The following SARNP variants were observed in gnomAD, a reference collection of about 807,000 sequenced individuals.
The protein encoded by SARNP is SAP domain containing ribonucleoprotein.
In SARNP, 5 loss-of-function variants were observed where a neutral mutation model predicts 38.1. The ratio of observed to expected loss-of-function variants is 0.13; its 90% CI spans 0.07 to 0.28. SARNP has a LOEUF of 0.28. Among genes scored for constraint, SARNP ranks in the 10% least tolerant of loss-of-function variants. The pLI, the probability that SARNP is intolerant of heterozygous loss-of-function variation, is 1.00. For synonymous variants in SARNP, 84 were observed against 80.6 expected, an observed-to-expected ratio of 1.04 and a Z score of -0.23; for missense variants, 180 against 243.9, an observed-to-expected ratio of 0.74 and a Z score of 1.75.
chr12:55,797,323 G>A (rs1039166406), intron 4 of SARNP, among the ~76,000 whole-genome samples: 1 of 152,188 alleles, frequency 6.6e-6, no homozygotes, highest in Non-Finnish European at 1.5e-5. Context: ...CGCTTTAGCT[G>A]GTTGGGGGTT....
At chr12:55,794,169 TTCAG>T in intron 7 of SARNP, 186 bp downstream of exon 7, 1 of 591,104 alleles carries the variant, frequency 1.7e-6, no homozygotes, top group Non-Finnish European at 3.0e-6. Flanking sequence ...TCTCATAACA[TTCAG>T]TATCTCTCTT....
chr12:55,792,203 T>G (rs1879691689), intron 7 of SARNP, among the ~76,000 whole-genome samples: 1 of 152,162 alleles, frequency 6.6e-6, no homozygotes, highest in African/African-American at 2.4e-5. Flanking sequence ...TCTAAAACAC[T>G]TAGTGATAGC....
Position 55,789,100 on chromosome 12 carries a change from A to C in SARNP, c.476T>G (p.Leu159Trp). ...CTTTCTGGAGATTGAAGAGACATTC[A>C]AACCAAATCTTTGAGCTCTTTCCTT... Reference protein sequence around the residue: ...KLKERAQRFGLNVSSISRKSE... With the variant: ...KLKERAQRFGWNVSSISRKSE... Residue 159 changes from leucine to tryptophan, a missense_variant, in exon 9 of 11, where the codon TTG becomes TGG. By Grantham distance (61) the Leu-to-Trp change is moderately conservative. This residue lies in a region of SARNP where 161 missense variants were observed against 194.1 expected (regional missense o/e 0.83). Transcript: ENST00000336133. The C allele has an allele frequency of 3.7e-6, 6 of 1,604,760 alleles. No individual in the cohort carries two copies. The highest frequency in any genetic ancestry group is 5.1e-6 in the Non-Finnish European group (6 of 1,176,698).
chr12:55,777,883 A>C (rs1879228747), intron 9 of SARNP, among the ~76,000 whole-genome samples: 1 of 152,156 alleles, frequency 6.6e-6, no homozygotes, highest in Admixed American at 6.5e-5. Flanking sequence ...GAGAGAGAAA[A>C]ATTCCATTCT....
In SARNP at chr12:55,760,533, T is replaced by C; in HGVS notation, c.591+18A>G. ...ATTTCCCTTCAAGGTCTATGAAGCG[T>C]TCCAGGTATATTTTTACCTCTGTAT... On this transcript the variant is annotated intron_variant, in intron 10 of 10. Transcript: ENST00000336133. The C allele has an allele frequency of 4.1e-6, 6 of 1,456,868 alleles. No homozygotes were observed. The highest frequency in any genetic ancestry group is 5.8e-6 in the Non-Finnish European group (6 of 1,036,432). The allele number at this position is 1,456,868 out of a possible 1,614,324, so 90.2% of individuals were successfully genotyped here. A position where few individuals can be genotyped will look rare whatever the true frequency, so the allele number is the denominator to read the frequency against.
downstream of SARNP, chr12:55,754,200 T>C (rs1878431327): frequency 6.6e-6 from 1 of 152,214 alleles, no homozygotes; most frequent in Non-Finnish European, 1.5e-5. Context: ...ACCCCTAACT[T>C]TGGCCTGAGC....
At chr12:55,760,937 G>A (rs1878656396) in intron 9 of SARNP, among the ~76,000 whole-genome samples, 1 of 152,196 alleles carries the variant, frequency 6.6e-6, no homozygotes, top group Non-Finnish European at 1.5e-5. Flanking sequence ...AGCACTTTGG[G>A]AGGCTGAGGC....
chr12:55,808,889 GAACT>G (rs1358434737), intron 1 of SARNP, among the ~76,000 whole-genome samples: 5 of 152,064 alleles, frequency 3.3e-5, no homozygotes, highest in Admixed American at 6.5e-5. Flanking sequence ...CTTAAAATAG[GAACT>G]AACATAAAAT....
intron 9 of SARNP, among the ~76,000 whole-genome samples, chr12:55,772,137 G>T (rs111646467): frequency 6.6e-6 from 1 of 152,034 alleles, no homozygotes; most frequent in Non-Finnish European, 1.5e-5. Context: ...AGTAGATGAA[G>T]GTGAGAGACC....
At chr12:55,808,915 T>G (rs1264687070) in intron 1 of SARNP, among the ~76,000 whole-genome samples, 1 of 152,228 alleles carries the variant, frequency 6.6e-6, no homozygotes, top group African/African-American at 2.4e-5. Context: ...TTATCCCATT[T>G]TTCTAAATTG....
intron 9 of SARNP, among the ~76,000 whole-genome samples, chr12:55,775,381 T>C (rs1422923171): frequency 2.2e-5 from 3 of 136,364 alleles, no homozygotes; most frequent in Non-Finnish European, 4.7e-5. Flanking sequence ...CCAACATGGG[T>C]GAAACCCGGC....
chr12:55,807,700 G>A (rs1475312512), intron 1 of SARNP, among the ~76,000 whole-genome samples: 2 of 150,882 alleles, frequency 1.3e-5, no homozygotes, highest in Non-Finnish European at 2.9e-5. Context: ...TGTAGTCCCA[G>A]CTCCTCAGGA....
intron 9 of SARNP, among the ~76,000 whole-genome samples, chr12:55,769,449 T>C (rs1208773466): frequency 2.0e-5 from 3 of 152,218 alleles, no homozygotes; most frequent in African/African-American, 7.2e-5. Flanking sequence ...TGAGGACTCA[T>C]AACGGAAATT....
chr12:55,776,117 T>C (rs1423424927), intron 9 of SARNP, among the ~76,000 whole-genome samples: 3 of 152,138 alleles, frequency 2.0e-5, no homozygotes, highest in Non-Finnish European at 4.4e-5. Context: ...CACCCGCAGA[T>C]ACCAAAATCT....
At position 55,757,315 on chromosome 12, in the gene SARNP, C is replaced by A; in HGVS notation, c.*197G>T. The A allele has an allele frequency of 7.3e-6, 3 of 409,712 alleles. No individual in the cohort carries two copies. The highest frequency in any genetic ancestry group is 3.8e-4 in the Middle Eastern group (1 of 2,642). The allele number at this position is 409,712 out of a possible 1,614,324, so 25.4% of individuals were successfully genotyped here. ...TATTAACAAGCAACATAATCAAAAA[C>A]AAAAACACAACAACCTTAAAGCTGA... On this transcript the variant is annotated 3_prime_UTR_variant, in exon 11 of 11. Transcript: ENST00000336133.
At chr12:55,794,175 A>G in intron 7 of SARNP, 184 bp downstream of exon 7, 1 of 600,510 alleles carries the variant, frequency 1.7e-6, no homozygotes, top group Non-Finnish European at 3.0e-6. Context: ...AACATTCAGT[A>G]TCTCTCTTAA....
intron 9 of SARNP, among the ~76,000 whole-genome samples, chr12:55,781,569 C>G (rs1202157100): frequency 1.3e-5 from 2 of 150,320 alleles, no homozygotes; most frequent in Admixed American, 1.3e-4. Flanking sequence ...AACAAACAGA[C>G]AAAAAATAAC....
At chr12:55,797,020 A>G (rs150515701) in intron 4 of SARNP, among the ~76,000 whole-genome samples, 1 of 152,298 alleles carries the variant, frequency 6.6e-6, no homozygotes, top group East Asian at 1.9e-4. Context: ...GGAAGTACCC[A>G]CGATAAATGG....
At chr12:55,805,035 G>A (rs770223802) in intron 1 of SARNP, among the ~76,000 whole-genome samples, 9 of 151,530 alleles carry the variant, frequency 5.9e-5, no homozygotes, top group Non-Finnish European at 1.0e-4. Context: ...AGGCCGAGGC[G>A]AGTGGATCAC....
Sources: allele counts gnomAD v4.1 joint callset (sites outside exome capture counted in the v4.1 genomes callset), GRCh38; gene constraint gnomAD v4.1.1; regional missense constraint gnomAD v4.1.1; transcripts MANE v1.5; gene names NCBI Gene and HGNC (gene_info 2026-07-23, HGNC 2026-07-21).